Variants in PCDH15 observed in about 807,000 individuals in gnomAD.
PCDH15 encodes the protein protocadherin related 15.
PCDH15 carries 129 observed loss-of-function variants against 178.5 expected under a neutral mutation model. That is an observed-to-expected ratio of 0.72 (90% CI 0.63 to 0.84). PCDH15 has a LOEUF of 0.84. Ranked by LOEUF, PCDH15 falls within the 40% of genes least tolerant of loss-of-function variation. The probability of loss-of-function intolerance (pLI) is 0.00; values close to 1 mark genes in which losing one functional copy is unlikely to be tolerated. For missense variants in PCDH15, 2,230 were observed against 2,099.9 expected (o/e 1.06, Z -1.21); for synonymous variants, 800 against 732.0 (o/e 1.09, Z -1.50).
At chr10:54,352,760 T>C (rs142717906) in intron 5 of PCDH15, among the ~76,000 whole-genome samples, 4 of 152,284 alleles carry the variant, frequency 2.6e-5, no homozygotes, top group South Asian at 2.1e-4. Context: ...AGCCACTTCA[T>C]GTCAATTAAT....
chr10:54,699,277 C>A (rs2095276022), intron 1 of PCDH15, among the ~76,000 whole-genome samples: 1 of 151,748 alleles, frequency 6.6e-6, no homozygotes, highest in Non-Finnish European at 1.5e-5. Flanking sequence ...AAAAAAAAAA[C>A]TAGTCACTTA....
chr10:54,484,463 A>G (rs12771238), intron 3 of PCDH15, among the ~76,000 whole-genome samples: 1,910 of 152,056 alleles, frequency 0.013, 20 homozygotes, highest in Admixed American at 0.021. Context: ...AAATACTTAA[A>G]AGAAAATACT....
intron 1 of PCDH15, among the ~76,000 whole-genome samples, chr10:55,300,249 C>T (rs1337828717): frequency 6.6e-6 from 1 of 152,078 alleles, no homozygotes; most frequent in African/African-American, 2.4e-5. Flanking sequence ...TCTTTAGAGG[C>T]CACTGCTCAA....
intron 1 of PCDH15, among the ~76,000 whole-genome samples, chr10:54,666,036 A>G (rs1291213369): frequency 7.2e-5 from 11 of 152,068 alleles, no homozygotes; most frequent in Non-Finnish European, 1.6e-4. Context: ...CACATTTCTC[A>G]TTATCATAAT....
chr10:54,818,690 C>A (rs975378935), intron 3 of PCDH15, among the ~76,000 whole-genome samples: 2 of 151,986 alleles, frequency 1.3e-5, no homozygotes, highest in African/African-American at 2.4e-5. Flanking sequence ...ATATCTCTTT[C>A]CGTTATTCTA....
At chr10:53,823,465 C>T in intron 32 of PCDH15, 1 of 1,073,046 alleles carries the variant, frequency 9.3e-7, no homozygotes, top group South Asian at 1.3e-5. Context: ...TTAAAAACAT[C>T]AAAGGCCAAA....
At chr10:55,498,198 C>T (rs73269348) in intron 2 of PCDH15, among the ~76,000 whole-genome samples, 5 of 151,936 alleles carry the variant, frequency 3.3e-5, no homozygotes, top group Admixed American at 2.0e-4. Context: ...ATTTAAGTTT[C>T]GTTCTGTGTC....
At chr10:54,158,663 A>C (rs2045403573) in intron 13 of PCDH15, among the ~76,000 whole-genome samples, 1 of 152,238 alleles carries the variant, frequency 6.6e-6, no homozygotes, top group Non-Finnish European at 1.5e-5. Context: ...AAGATGATTG[A>C]ATTGTGCATA....
At chr10:54,272,367 A>G (rs557978887) in intron 8 of PCDH15, among the ~76,000 whole-genome samples, 75 of 152,084 alleles carry the variant, frequency 4.9e-4, no homozygotes, top group South Asian at 1.7e-3. Context: ...GAGTGGAAAA[A>G]TATTTTTTCA....
intron 1 of PCDH15, among the ~76,000 whole-genome samples, chr10:55,244,199 C>G (rs1169166377): frequency 6.6e-6 from 1 of 151,922 alleles, no homozygotes; most frequent in Admixed American, 6.6e-5. Flanking sequence ...ATTTCCTTGT[C>G]AAATTGTTTT....
intron 5 of PCDH15, among the ~76,000 whole-genome samples, chr10:54,350,749 G>A (rs955534373): frequency 3.9e-5 from 6 of 152,228 alleles, no homozygotes. Context: ...TTGGGAGGCT[G>A]AGGCAGGAGG....
intron 3 of PCDH15, among the ~76,000 whole-genome samples, chr10:54,890,193 A>G (rs1564606877): frequency 6.6e-6 from 1 of 151,994 alleles, no homozygotes; most frequent in Non-Finnish European, 1.5e-5. Context: ...TTCAAAATAA[A>G]ATAATGTTCC....
At chr10:54,812,343 T>A (rs1285484101) in intron 3 of PCDH15, among the ~76,000 whole-genome samples, 1 of 150,370 alleles carries the variant, frequency 6.7e-6, no homozygotes, top group African/African-American at 2.5e-5. Context: ...GGATCTCGGC[T>A]CATTGCAACC....
At chr10:55,535,905 A>C (rs1367843437) in intron 2 of PCDH15, among the ~76,000 whole-genome samples, 2 of 152,048 alleles carry the variant, frequency 1.3e-5, no homozygotes. Flanking sequence ...TACCTTATAT[A>C]TCATTTACAC....
At chr10:55,162,596 T>C (rs1235687740) in intron 2 of PCDH15, among the ~76,000 whole-genome samples, 1 of 152,138 alleles carries the variant, frequency 6.6e-6, no homozygotes, top group Non-Finnish European at 1.5e-5. Context: ...TAGTTTATAG[T>C]TTACATGATA....
intron 1 of PCDH15, among the ~76,000 whole-genome samples, chr10:55,224,456 C>G (rs1423905807): frequency 6.6e-6 from 1 of 152,048 alleles, no homozygotes; most frequent in Non-Finnish European, 1.5e-5. Context: ...TCTTAGAATT[C>G]TGCTCAGCCA....
At chr10:54,633,699 G>A (rs1416319056) in intron 2 of PCDH15, among the ~76,000 whole-genome samples, 1 of 152,042 alleles carries the variant, frequency 6.6e-6, no homozygotes, top group African/African-American at 2.4e-5. Flanking sequence ...GGCTCACTGA[G>A]GGAAATGGGA....
intron 3 of PCDH15, among the ~76,000 whole-genome samples, chr10:54,851,508 T>A (rs1591741669): frequency 6.6e-6 from 1 of 152,304 alleles, no homozygotes; most frequent in Non-Finnish European, 1.5e-5. Flanking sequence ...CCAGTCAATA[T>A]AAACTAACAC....
chr10:54,570,852 G>C (rs1326481085), intron 2 of PCDH15, among the ~76,000 whole-genome samples: 1 of 141,802 alleles, frequency 7.1e-6, no homozygotes, highest in African/African-American at 2.6e-5. Context: ...ATTTTTAGTA[G>C]AGACGGAGTT....
Sources: gnomAD v4.1 joint callset for allele counts (sites outside exome capture counted in the v4.1 genomes callset) on GRCh38, gnomAD v4.1.1 for gene constraint, MANE v1.5 for transcripts, NCBI Gene and HGNC (gene_info 2026-07-23, HGNC 2026-07-21) for gene names.